FCHO2: variants seen among roughly 807,000 people sequenced by gnomAD.
The protein encoded by FCHO2 is F-BAR domain only protein 2.
A neutral mutation model predicts 114.1 loss-of-function variants in FCHO2; 43 were observed. The ratio of observed to expected loss-of-function variants is 0.38; its 90% CI spans 0.30 to 0.49. The LOEUF is 0.49. Among genes scored for constraint, FCHO2 ranks in the 20% least tolerant of loss-of-function variants. The pLI is 0.97. For missense variants in FCHO2, 807 were observed against 950.4 expected, an observed-to-expected ratio of 0.85 and a Z score of 1.98; for synonymous variants, 293 against 315.2, an observed-to-expected ratio of 0.93 and a Z score of 0.75.
At chr5:73,043,639 A>G (rs1756917517) in intron 11 of FCHO2, among the ~76,000 whole-genome samples, 1 of 152,212 alleles carries the variant, frequency 6.6e-6, no homozygotes, top group African/African-American at 2.4e-5. Flanking sequence ...GTGGGGTAAT[A>G]GATGTTATAA....
At chr5:73,065,253 G>A (rs1048381517) in intron 18 of FCHO2, among the ~76,000 whole-genome samples, 14 of 151,796 alleles carry the variant, frequency 9.2e-5, no homozygotes, top group South Asian at 4.2e-4. Flanking sequence ...TTTTTAAATC[G>A]TTATGACTAG....
Position 73,087,643 on chromosome 5 carries a change from C to T in FCHO2, c.2300C>T (p.Thr767Met), listed in dbSNP as rs574187088. 3 of 1,613,910 alleles carry T rather than the reference C, an allele frequency of 1.9e-6. No individual in the cohort carries two copies. The highest frequency in any genetic ancestry group is 2.2e-5 in the South Asian group (2 of 91,076). Residue 767 changes from threonine (T) to methionine (M), a missense_variant, in exon 25 of 26, where the codon ACG becomes ATG. By Grantham distance (81) the Thr-to-Met change is moderately conservative. Coordinates refer to ENST00000430046, the MANE Select transcript of FCHO2 (RefSeq NM_138782.3). ...FDLSEGPSKP[T>M]TLAVQFLSEG... ...CTTTCAGAAGGACCTAGTAAACCCACGACACTTGCAGTACAATTCCTCAGC... is the reference window on the plus strand; with the variant it reads ...CTTTCAGAAGGACCTAGTAAACCCATGACACTTGCAGTACAATTCCTCAGC...
chr5:73,025,825 T>G (rs1755884725), intron 8 of FCHO2, among the ~76,000 whole-genome samples: 1 of 152,210 alleles, frequency 6.6e-6, no homozygotes, highest in Admixed American at 6.5e-5. Context: ...TTAAAGGATT[T>G]TGTTTTGTAA....
intron 5 of FCHO2, among the ~76,000 whole-genome samples, chr5:72,996,390 C>T (rs944362048): frequency 5.9e-5 from 9 of 151,958 alleles, no homozygotes; most frequent in African/African-American, 2.2e-4. Context: ...AAAAGAATGA[C>T]ATGTATTAAC....
At chr5:72,974,488 G>T (rs1160295410) in intron 2 of FCHO2, among the ~76,000 whole-genome samples, 2 of 150,244 alleles carry the variant, frequency 1.3e-5, no homozygotes, top group East Asian at 3.9e-4. Context: ...GATCTTTGTT[G>T]GTTTAAAGTC....
chr5:73,075,695 AATTAATT>A (rs1220433066), intron 20 of FCHO2, among the ~76,000 whole-genome samples: 1 of 152,132 alleles, frequency 6.6e-6, no homozygotes, highest in African/African-American at 2.4e-5. Flanking sequence ...AAAGTTAGAA[AATTAATT>A]ACAGAAGTCC....
intron 9 of FCHO2, among the ~76,000 whole-genome samples, chr5:73,035,473 A>G (rs1756452102): frequency 6.6e-6 from 1 of 152,166 alleles, no homozygotes; most frequent in South Asian, 2.1e-4. Context: ...ATGAGGGGCT[A>G]GCTTAAACCT....
intron 20 of FCHO2, among the ~76,000 whole-genome samples, chr5:73,076,577 G>A (rs1017147284): frequency 1.3e-5 from 2 of 152,202 alleles, no homozygotes; most frequent in African/African-American, 2.4e-5. Context: ...GAGCAGATGA[G>A]TTCCAGTGCA....
At chr5:73,008,036 C>T (rs1200260323) in intron 6 of FCHO2, among the ~76,000 whole-genome samples, 1 of 152,114 alleles carries the variant, frequency 6.6e-6, no homozygotes, top group African/African-American at 2.4e-5. Flanking sequence ...AAAATGCTTA[C>T]TAAACCTGAG....
chr5:72,997,606 C>T (rs545429084), intron 5 of FCHO2: 788 of 1,392,688 alleles, frequency 5.7e-4, no homozygotes, highest in Non-Finnish European at 7.1e-4. Context: ...ATGTTCGTTC[C>T]GTGCTGAGCC....
chr5:72,993,503 A>G (rs985204532), intron 5 of FCHO2, among the ~76,000 whole-genome samples: 1 of 152,196 alleles, frequency 6.6e-6, no homozygotes, highest in African/African-American at 2.4e-5. Context: ...TATTGAAAGT[A>G]CATTATAGGT....
intron 2 of FCHO2, among the ~76,000 whole-genome samples, chr5:72,968,833 A>G (rs749691338): frequency 6.6e-6 from 1 of 152,168 alleles, no homozygotes; most frequent in African/African-American, 2.4e-5. Flanking sequence ...TATTATCTAC[A>G]TATTTTTCAC....
chr5:73,083,021 G>A (rs185668132), intron 24 of FCHO2, among the ~76,000 whole-genome samples, 196 bp downstream of exon 24: 185 of 151,878 alleles, frequency 1.2e-3, no homozygotes, highest in South Asian at 2.3e-3. Flanking sequence ...TTACAGGCAC[G>A]TGCCACCACA....
At chr5:73,067,773 T>G (rs1262237863) in intron 18 of FCHO2, among the ~76,000 whole-genome samples, 1 of 150,708 alleles carries the variant, frequency 6.6e-6, no homozygotes, top group Non-Finnish European at 1.5e-5. Flanking sequence ...AAGGTTTTTG[T>G]TTTTTTTTAA....
chr5:73,079,808 A>G (rs1246061706), intron 22 of FCHO2, among the ~76,000 whole-genome samples: 4 of 152,226 alleles, frequency 2.6e-5, no homozygotes, highest in African/African-American at 4.8e-5. Flanking sequence ...AGGGCCAACT[A>G]TGTTTCTTGA....
At chr5:72,993,789 C>CT (rs981592857) in intron 5 of FCHO2, among the ~76,000 whole-genome samples, 40 of 152,218 alleles carry the variant, frequency 2.6e-4, no homozygotes, top group African/African-American at 9.1e-4. Context: ...TTAGTGATAC[C>CT]TTTTGGTAAG....
intron 24 of FCHO2, among the ~76,000 whole-genome samples, chr5:73,083,742 A>AT (rs1208992202): frequency 6.6e-6 from 1 of 152,130 alleles, no homozygotes; most frequent in Non-Finnish European, 1.5e-5. Context: ...AAATACAAAA[A>AT]TTAGCTGGGC....
intron 19 of FCHO2, among the ~76,000 whole-genome samples, chr5:73,070,127 C>A (rs1742562603): frequency 6.6e-6 from 1 of 152,068 alleles, no homozygotes; most frequent in South Asian, 2.1e-4. Flanking sequence ...GTGGAACTAG[C>A]AGTCGTTTAA....
intron 8 of FCHO2, 73 bp downstream of exon 8, chr5:73,017,381 T>G (rs1755362226): frequency 2.2e-6 from 2 of 915,726 alleles, no homozygotes; most frequent in South Asian, 4.1e-5. Context: ...GCCTTGAAGA[T>G]CATGTGGGTA....
Sources: allele counts gnomAD v4.1 joint callset (sites outside exome capture counted in the v4.1 genomes callset), GRCh38; gene constraint gnomAD v4.1.1; transcripts MANE v1.5; gene names NCBI Gene and HGNC (gene_info 2026-07-23, HGNC 2026-07-21).